Variants in JPH3 observed in about 807,000 individuals in gnomAD.
JPH3 encodes the protein junctophilin 3.
JPH3 carries 11 observed loss-of-function variants against 59.6 expected under a neutral mutation model. That is an observed-to-expected ratio of 0.18 (90% confidence interval 0.12 to 0.31). The LOEUF is 0.31. JPH3 is among the 10% of genes least tolerant of loss of function. The pLI is 1.00. For missense variants in JPH3, 1,202 were observed against 1,105.7 expected (o/e 1.09, Z -1.24); for synonymous variants, 673 against 483.6 (o/e 1.39, Z -5.14).
chr16:87,672,521 G>T (rs2033044202), intron 2 of JPH3, among the ~76,000 whole-genome samples: 1 of 152,254 alleles, frequency 6.6e-6, no homozygotes. Flanking sequence ...GACAGACTGT[G>T]GCCCCACAGC....
intron 1 of JPH3, among the ~76,000 whole-genome samples, chr16:87,618,276 A>G (rs910532180): frequency 2.0e-5 from 3 of 152,364 alleles, no homozygotes; most frequent in East Asian, 1.9e-4. Flanking sequence ...GGGGAGCCCC[A>G]GGACTCGAGA....
chr16:87,616,219 TGTGTGTGTGTGTGTGTGTA>T (rs1281512334), intron 1 of JPH3, among the ~76,000 whole-genome samples: 27 of 145,880 alleles, frequency 1.9e-4, no homozygotes, highest in African/African-American at 6.0e-4. Flanking sequence ...TGTGTGTGTG[TGTGTGTGTGTGTGTGTGTA>T]TTTTTTTTTT....
At chr16:87,612,604 A>G (rs2030770775) in intron 1 of JPH3, among the ~76,000 whole-genome samples, 1 of 152,186 alleles carries the variant, frequency 6.6e-6, no homozygotes, top group South Asian at 2.1e-4. Flanking sequence ...GGAAACTTTA[A>G]GGCGGGGGTC....
chr16:87,650,698 GAGA>G (rs1286838989), intron 2 of JPH3, among the ~76,000 whole-genome samples: 11 of 152,230 alleles, frequency 7.2e-5, no homozygotes, highest in African/African-American at 2.4e-4. Context: ...AGGGTCTGAA[GAGA>G]AGATCAAACT....
At chr16:87,660,638 G>A (rs1364637995) in intron 2 of JPH3, among the ~76,000 whole-genome samples, 4 of 152,122 alleles carry the variant, frequency 2.6e-5, no homozygotes, top group African/African-American at 9.7e-5. Context: ...CACAGCTCGG[G>A]GCAAAGCCGC....
At chr16:87,694,773 C>T in intron 4 of JPH3, 1 of 177,308 alleles carries the variant, frequency 5.6e-6, no homozygotes, top group Non-Finnish European at 1.2e-5. Flanking sequence ...TAGATCAGCT[C>T]CATCACCTTA....
intron 2 of JPH3, among the ~76,000 whole-genome samples, chr16:87,652,600 G>A (rs1597263908): frequency 6.6e-6 from 1 of 152,228 alleles, no homozygotes; most frequent in African/African-American, 2.4e-5. Flanking sequence ...AGTAGCGTGT[G>A]GGGAGGGTGC....
chr16:87,604,257 G>A, intron 1 of JPH3: 1 of 1,457,686 alleles, frequency 6.9e-7, no homozygotes, highest in Non-Finnish European at 9.1e-7. Flanking sequence ...CGCATTCGGG[G>A]CAGAGCCGGG....
At chr16:87,603,753 T>C (rs1008143213) in intron 1 of JPH3, among the ~76,000 whole-genome samples, 1 of 152,198 alleles carries the variant, frequency 6.6e-6, no homozygotes, top group African/African-American at 2.4e-5. Flanking sequence ...TTGGGGGCTT[T>C]CCAGGGGCAG....
At chr16:87,646,700 G>A (rs1338482212) in intron 2 of JPH3, among the ~76,000 whole-genome samples, 1 of 151,664 alleles carries the variant, frequency 6.6e-6, no homozygotes, top group Non-Finnish European at 1.5e-5. Context: ...TAGTGGACAA[G>A]AAGCAGTTTT....
intron 1 of JPH3, among the ~76,000 whole-genome samples, chr16:87,633,997 G>T (rs1334316851): frequency 6.6e-6 from 1 of 152,128 alleles, no homozygotes; most frequent in East Asian, 1.9e-4. Context: ...GGAGCGACCC[G>T]AATACCTTGC....
At chr16:87,679,464 A>G (rs1331938808) in intron 2 of JPH3, among the ~76,000 whole-genome samples, 3 of 152,178 alleles carry the variant, frequency 2.0e-5, no homozygotes, top group Non-Finnish European at 2.9e-5. Context: ...TCCCTCTTCC[A>G]TCCTGGCACC....
At chr16:87,641,508 C>T (rs1278740342) in intron 1 of JPH3, among the ~76,000 whole-genome samples, 2 of 152,210 alleles carry the variant, frequency 1.3e-5, no homozygotes, top group East Asian at 3.9e-4. Flanking sequence ...CTGAAGCTGA[C>T]CTCTCGCTGA....
chr16:87,625,519 G>C (rs896601158), intron 1 of JPH3, among the ~76,000 whole-genome samples: 1 of 152,208 alleles, frequency 6.6e-6, no homozygotes, highest in Admixed American at 6.5e-5. Flanking sequence ...TGAGCAGGAG[G>C]AGCAGGGCCA....
intron 2 of JPH3, among the ~76,000 whole-genome samples, chr16:87,658,176 G>A (rs2032570944): frequency 2.0e-5 from 3 of 152,182 alleles, no homozygotes; most frequent in Non-Finnish European, 4.4e-5. Context: ...AGCAAACAGT[G>A]AATGGACACC....
intron 2 of JPH3, among the ~76,000 whole-genome samples, chr16:87,677,211 CACACACACACACACAA>C (rs1239655396): frequency 5.6e-5 from 7 of 124,186 alleles, no homozygotes; most frequent in South Asian, 2.9e-4. Context: ...CACACACACA[CACACACACACACACAA>C]AAAAAAAAAT....
intron 2 of JPH3, among the ~76,000 whole-genome samples, chr16:87,673,565 A>C (rs1021935603): frequency 1.3e-5 from 2 of 152,240 alleles, no homozygotes; most frequent in Non-Finnish European, 2.9e-5. Context: ...GAATTCTAAT[A>C]GGAGAACATG....
intron 2 of JPH3, among the ~76,000 whole-genome samples, chr16:87,670,372 G>C (rs749744826): frequency 6.6e-6 from 1 of 152,178 alleles, no homozygotes; most frequent in Non-Finnish European, 1.5e-5. Flanking sequence ...AGGTTCTCCC[G>C]GCCAGGCCTG....
intron 1 of JPH3, among the ~76,000 whole-genome samples, chr16:87,635,365 T>G (rs965515195): frequency 6.6e-6 from 1 of 152,066 alleles, no homozygotes; most frequent in Non-Finnish European, 1.5e-5. Flanking sequence ...CGGGTGGGGC[T>G]TCAGAGGAGG....
Sources: gnomAD v4.1 joint callset for allele counts (sites outside exome capture counted in the v4.1 genomes callset) on GRCh38, gnomAD v4.1.1 for gene constraint, MANE v1.5 for transcripts, NCBI Gene and HGNC (gene_info 2026-07-23, HGNC 2026-07-21) for gene names.